Variants in ARAP2 observed in about 807,000 individuals in gnomAD.
The protein encoded by ARAP2 is arf-GAP with Rho-GAP domain, ANK repeat and PH domain-containing protein 2.
ARAP2 carries 148 observed loss-of-function variants against 194.5 expected under a neutral mutation model. The ratio of observed to expected loss-of-function variants is 0.76; its 90% CI spans 0.67 to 0.87. ARAP2 has a LOEUF of 0.87. Among genes scored for constraint, ARAP2 ranks in the 40% least tolerant of loss-of-function variants. The probability of loss-of-function intolerance (pLI) is 0.00; values close to 1 mark genes in which losing one functional copy is unlikely to be tolerated. For synonymous variants in ARAP2, 695 were observed against 683.5 expected (o/e 1.02, Z -0.26); for missense variants, 2,128 against 1,989.7 (o/e 1.07, Z -1.32).
chr4:36,094,060 G>A (rs1416263676), intron 27 of ARAP2, among the ~76,000 whole-genome samples: 2 of 152,226 alleles, frequency 1.3e-5, no homozygotes, highest in East Asian at 3.9e-4. Flanking sequence ...TAATAAGCCA[G>A]AATTCCCTCC....
chr4:36,077,244 G>C (rs1014480257), intron 31 of ARAP2, among the ~76,000 whole-genome samples: 2 of 152,046 alleles, frequency 1.3e-5, no homozygotes, highest in Non-Finnish European at 2.9e-5. Context: ...GGGTGGGGGT[G>C]ACCAGACTTA....
chr4:36,081,918 G>GTT (rs1729648060), intron 30 of ARAP2, among the ~76,000 whole-genome samples: 1 of 152,118 alleles, frequency 6.6e-6, no homozygotes, highest in Non-Finnish European at 1.5e-5. Context: ...CGGGATATAT[G>GTT]TTTTTCTTAA....
chr4:36,124,991 T>C (rs780900098), intron 21 of ARAP2, 24 bp from the exon 22 acceptor site: 1 of 1,449,046 alleles, frequency 6.9e-7, no homozygotes, highest in Admixed American at 1.7e-5. Context: ...AAAAACAATC[T>C]TGAGATCTAA....
chr4:36,180,768 C>T (rs1662421877), intron 8 of ARAP2, among the ~76,000 whole-genome samples: 1 of 152,176 alleles, frequency 6.6e-6, no homozygotes, highest in Non-Finnish European at 1.5e-5. Context: ...ACTTTGGCTG[C>T]ATCTCAACAC....
chr4:36,083,575 T>G (rs1281465164), intron 28 of ARAP2, 125 bp from the exon 29 acceptor site: 3 of 673,936 alleles, frequency 4.5e-6, no homozygotes, highest in Non-Finnish European at 7.2e-6. Flanking sequence ...AAACATTTCA[T>G]GAGTTTAGTA....
At chr4:36,011,098 G>C (rs922072940) in intron 9 of ARAP2, among the ~76,000 whole-genome samples, 13 of 152,126 alleles carry the variant, frequency 8.5e-5, no homozygotes, top group African/African-American at 2.4e-4. Flanking sequence ...CCAAGAAAGA[G>C]TGGCTCAAAG....
At position 36,153,075 on chromosome 4, in the gene ARAP2, A is replaced by T. The variant is rs1731392829; in HGVS notation, c.2753-2031T>A. Among the ~76,000 whole-genome samples, 3 of 152,222 alleles carry T rather than the reference A, an allele frequency of 2.0e-5. No individual in the cohort carries two copies. In the South Asian group the frequency reaches 6.2e-4, roughly 32 times the overall value. The stretch of plus-strand genomic sequence containing the variant: ...TGTAAATTCTAATGGGAAACAAATG[A>T]CAGATCTCTTTAAAAGGGTATGTAC... On this transcript the variant is annotated intron_variant, in intron 15 of 32. Transcript: ENST00000303965.
intron 1 of ARAP2, among the ~76,000 whole-genome samples, chr4:36,235,634 G>C (rs1384372157): frequency 2.6e-5 from 4 of 152,218 alleles, no homozygotes; most frequent in Non-Finnish European, 5.9e-5. Context: ...ACTGTTCACT[G>C]CTCAGCTCAA....
intron 11 of ARAP2, 137 bp downstream of exon 11, chr4:36,164,777 T>C: frequency 1.2e-6 from 1 of 847,464 alleles, no homozygotes; most frequent in Non-Finnish European, 1.8e-6. Context: ...TATTTCTGAA[T>C]TTGATTTAAA....
chr4:36,232,017 G>C (rs1487224024), intron 1 of ARAP2, among the ~76,000 whole-genome samples: 1 of 152,180 alleles, frequency 6.6e-6, no homozygotes, highest in Non-Finnish European at 1.5e-5. Context: ...CCCAGGCCCA[G>C]AGCCCTCTAT....
At position 36,009,872 on chromosome 4, in the gene ARAP2, GT is replaced by G. The variant is rs200995464; in HGVS notation, n.1325+2690del. 4.9e-4 allele frequency among the ~76,000 whole-genome samples: 47 copies of G among 96,466 alleles called. 1 individual carries two copies. The East Asian group carries it at 0.014, about 28-fold the overall frequency. 63.3% of individuals were successfully genotyped at this position (96,466 alleles called of 152,430 possible). Reference sequence around the variant, plus strand: ...TTGAAGTAAAATTCAGAAGCTCCTTGTTTTTTTTGGCGGGGGGTAGGGGGGT... The same window carrying G: ...TTGAAGTAAAATTCAGAAGCTCCTTGTTTTTTTGGCGGGGGGTAGGGGGGT... On this transcript the variant is annotated intron_variant and non_coding_transcript_variant, in intron 9 of 12. Transcript: ENST00000503225.
At chr4:36,017,390 A>C (rs1716017070) in intron 6 of ARAP2, among the ~76,000 whole-genome samples, 1 of 151,458 alleles carries the variant, frequency 6.6e-6, no homozygotes, top group African/African-American at 2.4e-5. Context: ...AAGAGACAGA[A>C]AACAATTAAA....
chr4:36,169,532 C>CT (rs200988075), intron 9 of ARAP2, among the ~76,000 whole-genome samples: 1,545 of 136,318 alleles, frequency 0.011, 12 homozygotes, highest in African/African-American at 0.022. Flanking sequence ...GCAAAGATGA[C>CT]TTTTTTTTTT....
intron 5 of ARAP2, among the ~76,000 whole-genome samples, chr4:36,023,718 G>A (rs2109345379): frequency 6.6e-6 from 1 of 152,238 alleles, no homozygotes; most frequent in East Asian, 1.9e-4. Flanking sequence ...ACATAATAAT[G>A]GAGAGATTTC....
intron 4 of ARAP2, chr4:36,046,641 G>T (rs1027913528): frequency 1.3e-5 from 2 of 152,372 alleles, no homozygotes; most frequent in East Asian, 1.9e-4. Context: ...CCCAAAAGTT[G>T]TATGTAAGAG....
chr4:36,242,885 A>G (rs759530977), intron 1 of ARAP2, among the ~76,000 whole-genome samples: 7 of 152,188 alleles, frequency 4.6e-5, no homozygotes, highest in Non-Finnish European at 8.8e-5. Flanking sequence ...TGACAAATCT[A>G]TATAAAACCC....
At position 36,228,594 on chromosome 4, in the gene ARAP2, C is replaced by A. The variant is rs1179841378; in HGVS notation, c.893G>T (p.Gly298Val). 3.1e-6 allele frequency: 5 copies of A among 1,590,548 alleles called. No homozygotes were observed. The South Asian group carries it at 5.7e-5, about 18-fold the overall frequency. The change falls in exon 2 of 33, where the codon GGA (glycine) becomes GTA (valine). Residue 298 changes from glycine (G) to valine (V), a missense_variant. Coordinates refer to ENST00000303965, the MANE Select transcript of ARAP2 (RefSeq NM_015230.4). ...PVPEIPGSTK[G>V]VSGSYFRERR... is the part of the protein sequence containing the mutation. The stretch of plus-strand genomic sequence containing the variant: ...TAAAGATTCTTACCTCCCAGAAACT[C>A]CTTTTGTTGACCCTGGAATCTCTGG...
At chr4:36,149,580 T>C (rs763541176) in intron 16 of ARAP2, among the ~76,000 whole-genome samples, 3 of 152,218 alleles carry the variant, frequency 2.0e-5, no homozygotes, top group African/African-American at 7.2e-5. Flanking sequence ...ATCAGTAATG[T>C]TATCAAGAAT....
chr4:36,238,947 A>G (rs1752969165), intron 1 of ARAP2, among the ~76,000 whole-genome samples: 1 of 152,164 alleles, frequency 6.6e-6, no homozygotes, highest in Non-Finnish European at 1.5e-5. Flanking sequence ...AAAAACAAAA[A>G]CAAAAACAAA....
Sources: gnomAD v4.1 joint callset for allele counts (sites outside exome capture counted in the v4.1 genomes callset) on GRCh38, gnomAD v4.1.1 for gene constraint, MANE v1.5 for transcripts, NCBI Gene and HGNC (gene_info 2026-07-23, HGNC 2026-07-21) for gene names.